Variants in IBTK observed in about 807,000 individuals in gnomAD.
The protein encoded by IBTK is BTK-binding protein.
IBTK carries 83 observed loss-of-function variants against 154.9 expected under a neutral mutation model. That is an observed-to-expected ratio of 0.54 (90% CI 0.45 to 0.64). The LOEUF (loss-of-function observed/expected upper bound fraction) is 0.64, where lower values mean the gene tolerates loss of function less well. Among genes scored for constraint, IBTK ranks in the 30% least tolerant of loss-of-function variants. The probability of loss-of-function intolerance (pLI) is 0.00; values close to 1 mark genes in which losing one functional copy is unlikely to be tolerated. For synonymous variants in IBTK, 515 were observed against 536.1 expected (o/e 0.96, Z 0.54); for missense variants, 1,332 against 1,584.6 (o/e 0.84, Z 2.71).
At chr6:82,220,070 C>A (rs998984634) in intron 9 of IBTK, among the ~76,000 whole-genome samples, 5 of 151,840 alleles carry the variant, frequency 3.3e-5, no homozygotes, top group African/African-American at 1.2e-4. Flanking sequence ...ATAAGCCAGG[C>A]GTAGTGGCAC....
At chr6:82,203,499 C>T (rs1769289605) in intron 17 of IBTK, among the ~76,000 whole-genome samples, 1 of 152,106 alleles carries the variant, frequency 6.6e-6, no homozygotes, top group Non-Finnish European at 1.5e-5. Flanking sequence ...TGTCTCACTC[C>T]TGACTAATCT....
intron 2 of IBTK, among the ~76,000 whole-genome samples, chr6:82,239,684 C>G (rs1226150000): frequency 6.6e-6 from 1 of 151,640 alleles, no homozygotes; most frequent in Non-Finnish European, 1.5e-5. Flanking sequence ...CCACTCTAAC[C>G]AATTAAATAT....
intron 9 of IBTK, among the ~76,000 whole-genome samples, chr6:82,220,258 C>T (rs112010047): frequency 2.2e-3 from 342 of 152,176 alleles, no homozygotes; most frequent in Non-Finnish European, 3.7e-3. Context: ...CTTATATTTA[C>T]GCAATTCAGT....
In IBTK at chr6:82,193,774, C is replaced by T. The variant is rs140535741; in HGVS notation, c.3338+705G>A. Reference sequence around the variant, plus strand: ...TGGGCTCACTGTAACCTCCGCCTCCCGGGTTCAAACGATTCTCCCACCTCA... The same window carrying T: ...TGGGCTCACTGTAACCTCCGCCTCCTGGGTTCAAACGATTCTCCCACCTCA... On this transcript the variant is annotated intron_variant, in intron 23 of 28. Coordinates refer to ENST00000306270, the MANE Select transcript of IBTK (RefSeq NM_015525.4). Among the ~76,000 whole-genome samples the T allele has an allele frequency of 4.1e-3, 621 of 152,154 alleles. 1 individual carries two copies. Among genetic ancestry groups the T allele is most frequent in the African/African-American group, 0.014 (583 of 41,504 alleles).
chr6:82,225,711 TTGA>T, intron 5 of IBTK, 64 bp from the exon 6 acceptor site: 2 of 1,167,530 alleles, frequency 1.7e-6, no homozygotes, highest in Non-Finnish European at 2.5e-6. Flanking sequence ...CAAATAGAAT[TTGA>T]TGATACTACA....
At chr6:82,243,273 G>A (rs1771024744) in intron 1 of IBTK, among the ~76,000 whole-genome samples, 1 of 150,894 alleles carries the variant, frequency 6.6e-6, no homozygotes, top group Admixed American at 6.6e-5. Flanking sequence ...GTAGCAAAGA[G>A]AAAAAAAGGT....
intron 2 of IBTK, among the ~76,000 whole-genome samples, chr6:82,237,693 T>TAGTAGTAGC (rs1398440213): frequency 8.0e-4 from 120 of 149,808 alleles, no homozygotes; most frequent in Middle Eastern, 3.5e-3. Context: ...GTAGTAGTAG[T>TAGTAGTAGC]AGCAGTAATA....
chr6:82,215,226 G>A (rs1769822194), intron 11 of IBTK, among the ~76,000 whole-genome samples: 2 of 151,996 alleles, frequency 1.3e-5, no homozygotes, highest in African/African-American at 2.4e-5. Flanking sequence ...TTAAAACTGG[G>A]GCAGGCCTGG....
At chr6:82,197,420 G>A (rs1039301508) in intron 21 of IBTK, among the ~76,000 whole-genome samples, 3 of 143,786 alleles carry the variant, frequency 2.1e-5, no homozygotes, top group African/African-American at 7.8e-5. Context: ...GCCCAGGCTG[G>A]AGTGCGGTGG....
intron 1 of IBTK, among the ~76,000 whole-genome samples, chr6:82,243,032 G>A (rs1771012166): frequency 2.6e-5 from 4 of 151,958 alleles, no homozygotes; most frequent in Admixed American, 2.6e-4. Flanking sequence ...ACGAGGTCAG[G>A]AGATCAAGAC....
intron 25 of IBTK, among the ~76,000 whole-genome samples, chr6:82,188,420 A>G (rs1177425605): frequency 6.6e-6 from 1 of 152,156 alleles, no homozygotes; most frequent in African/African-American, 2.4e-5. Context: ...GTATTCTACT[A>G]TAAAAATAAA....
At chr6:82,181,624 G>A (rs1312636785) in intron 26 of IBTK, among the ~76,000 whole-genome samples, 2 of 151,914 alleles carry the variant, frequency 1.3e-5, no homozygotes, top group Admixed American at 6.6e-5. Context: ...TGGTGTCATA[G>A]GTGTATATAT....
At chr6:82,234,592 C>A (rs1167697071) in intron 2 of IBTK, among the ~76,000 whole-genome samples, 3 of 152,112 alleles carry the variant, frequency 2.0e-5, no homozygotes, top group Admixed American at 2.0e-4. Flanking sequence ...CTGCTTTGGC[C>A]TCCCAAAGTG....
intron 21 of IBTK, 148 bp downstream of exon 21, chr6:82,199,993 G>T: frequency 1.7e-6 from 1 of 573,912 alleles, no homozygotes. Context: ...TGTGCTCCCA[G>T]AGCAAACTTC....
At chr6:82,223,735 G>A in intron 7 of IBTK, 115 bp from the exon 8 acceptor site, 1 of 797,932 alleles carries the variant, frequency 1.3e-6, no homozygotes. Context: ...AAGGTGGGCA[G>A]ATCCCTTGAG....
chr6:82,234,744 A>T (rs992548123), intron 2 of IBTK, among the ~76,000 whole-genome samples: 2 of 152,218 alleles, frequency 1.3e-5, no homozygotes, highest in Non-Finnish European at 2.9e-5. Flanking sequence ...TTTCTCTCAC[A>T]TACTGCAGAG....
chr6:82,200,004 A>T, intron 21 of IBTK, 137 bp downstream of exon 21: 1 of 599,932 alleles, frequency 1.7e-6, no homozygotes, highest in South Asian at 2.5e-5. Flanking sequence ...AGCAAACTTC[A>T]ACTGGAGTAC....
chr6:82,195,573 C>G (rs1319665839), intron 22 of IBTK, among the ~76,000 whole-genome samples: 2 of 151,458 alleles, frequency 1.3e-5, no homozygotes, highest in African/African-American at 4.9e-5. Flanking sequence ...AGTGAGAGAC[C>G]CTGTCTCAAA....
rs1770914001 is a variant in IBTK at position 82,240,733 on chromosome 6, T to C, written c.-247A>G. 8.4e-6 allele frequency: 4 copies of C among 478,308 alleles called. No individual in the cohort carries two copies. Among genetic ancestry groups the C allele is most frequent in the Non-Finnish European group, 1.1e-5 (3 of 274,568 alleles). 29.6% of individuals were successfully genotyped at this position (478,308 alleles called of 1,614,324 possible). A position where few individuals can be genotyped will look rare whatever the true frequency, so the allele number is the denominator to read the frequency against. ...AATACAAGTTCTTCATTTAAAAAAA[T>C]TCCACAGTTTATAAATTATTCCTGG... On this transcript the variant is annotated 5_prime_UTR_variant, in exon 2 of 29. Coordinates refer to ENST00000306270, the MANE Select transcript of IBTK (RefSeq NM_015525.4).
Sources: allele counts gnomAD v4.1 joint callset (sites outside exome capture counted in the v4.1 genomes callset), GRCh38; gene constraint gnomAD v4.1.1; transcripts MANE v1.5; gene names NCBI Gene and HGNC (gene_info 2026-07-23, HGNC 2026-07-21).